Variants in PRKAR1B observed in about 807,000 individuals in gnomAD.
PRKAR1B encodes protein kinase cAMP-dependent type I regulatory subunit beta.
PRKAR1B carries 22 observed loss-of-function variants against 46.5 expected under a neutral mutation model. That is an observed-to-expected ratio of 0.47 (90% CI 0.34 to 0.68). PRKAR1B has a LOEUF of 0.68. PRKAR1B is among the 30% of genes least tolerant of loss of function. The pLI, the probability that PRKAR1B is intolerant of heterozygous loss-of-function variation, is 0.01. For synonymous variants in PRKAR1B, 259 were observed against 217.7 expected, an observed-to-expected ratio of 1.19 and a Z score of -1.67; for missense variants, 445 against 535.6, an observed-to-expected ratio of 0.83 and a Z score of 1.67.
chr7:633,871 T>C (rs1783896562), intron 4 of PRKAR1B, among the ~76,000 whole-genome samples: 1 of 152,096 alleles, frequency 6.6e-6, no homozygotes, highest in Admixed American at 6.5e-5. Flanking sequence ...CCCAAGACCT[T>C]GTAAACCACC....
chr7:725,609 C>T (rs1190195401), intron 1 of PRKAR1B, among the ~76,000 whole-genome samples: 3 of 152,228 alleles, frequency 2.0e-5, no homozygotes, highest in Non-Finnish European at 4.4e-5. Context: ...AACTTTGAAA[C>T]AAAGATGATA....
Position 652,152 on chromosome 7 carries a change from T to C in PRKAR1B, c.440+25077A>G, listed in dbSNP as rs181149080. ...AAGACAGTTCACACCCACACAGTGCTAGGAACCTGGGAAAACCCCTCTCGG... is the reference window on the plus strand; with the variant it reads ...AAGACAGTTCACACCCACACAGTGCCAGGAACCTGGGAAAACCCCTCTCGG... On this transcript the variant is annotated intron_variant, in intron 4 of 10. Coordinates refer to ENST00000537384, the MANE Select transcript of PRKAR1B (RefSeq NM_001164760.2). Among the ~76,000 whole-genome samples the C allele has an allele frequency of 1.9e-3, 262 of 139,406 alleles. 1 individual carries two copies. The highest frequency in any genetic ancestry group is 8.3e-3 in the Middle Eastern group (2 of 242). 91.5% of individuals were successfully genotyped at this position (139,406 alleles called of 152,430 possible).
At chr7:553,883 G>A (rs549977576) in intron 9 of PRKAR1B, among the ~76,000 whole-genome samples, 1 of 152,384 alleles carries the variant, frequency 6.6e-6, no homozygotes, top group South Asian at 2.1e-4. Context: ...CCTCTGCCGT[G>A]TTTATGAATC....
At chr7:728,451 A>T (rs1047650648), upstream of PRKAR1B, among the ~76,000 whole-genome samples, 4 of 152,212 alleles carry the variant, frequency 2.6e-5, no homozygotes, top group Non-Finnish European at 5.9e-5. Flanking sequence ...CGTGGAGAAT[A>T]GATTCCAGAA....
chr7:720,050 CTTT>C (rs34254216), intron 1 of PRKAR1B, among the ~76,000 whole-genome samples: 6 of 93,134 alleles, frequency 6.4e-5, no homozygotes, highest in East Asian at 3.4e-4. Flanking sequence ...CTGTGCAAGT[CTTT>C]TTTTTTTTTT....
At chr7:587,078 G>A (rs1162848022) in intron 7 of PRKAR1B, among the ~76,000 whole-genome samples, 2 of 152,114 alleles carry the variant, frequency 1.3e-5, no homozygotes, top group East Asian at 3.9e-4. Flanking sequence ...GTAGAAACGG[G>A]GTTTCACTGT....
intron 9 of PRKAR1B, among the ~76,000 whole-genome samples, chr7:559,314 G>A (rs1459198906): frequency 6.6e-6 from 1 of 152,186 alleles, no homozygotes; most frequent in Non-Finnish European, 1.5e-5. Context: ...GAGCCAGCCG[G>A]AGAAGACGTG....
At chr7:572,800 G>A (rs184783697) in intron 9 of PRKAR1B, among the ~76,000 whole-genome samples, 70 of 152,338 alleles carry the variant, frequency 4.6e-4, no homozygotes, top group Admixed American at 9.1e-4. Flanking sequence ...CAGGGATGAG[G>A]CCTCATGCAC....
chr7:708,467 C>T (rs1371995798), intron 2 of PRKAR1B, among the ~76,000 whole-genome samples: 1 of 152,294 alleles, frequency 6.6e-6, no homozygotes, highest in African/African-American at 2.4e-5. Context: ...AACCTACACA[C>T]ATCCTCCCAT....
intron 1 of PRKAR1B, chr7:726,763 C>T: frequency 8.0e-7 from 1 of 1,256,850 alleles, no homozygotes. Context: ...GGCCCCACAC[C>T]CGGCTGAGGG....
intron 4 of PRKAR1B, among the ~76,000 whole-genome samples, chr7:639,893 A>G (rs1053714712): frequency 3.3e-5 from 5 of 151,886 alleles, no homozygotes; most frequent in East Asian, 3.9e-4. Context: ...GGCCGGGTGC[A>G]GTGGCTCACA....
chr7:653,693 G>C (rs1000064263), intron 4 of PRKAR1B, among the ~76,000 whole-genome samples: 1 of 152,174 alleles, frequency 6.6e-6, no homozygotes, highest in African/African-American at 2.4e-5. Flanking sequence ...CTACATAGCT[G>C]GGGAGGGGTG....
In PRKAR1B at chr7:692,387, C is replaced by T. The variant is rs150727453; in HGVS notation, c.178-11661G>A. Among the ~76,000 whole-genome samples, 419 of 151,316 alleles carry T rather than the reference C, an allele frequency of 2.8e-3. 3 individuals carry two copies. Among genetic ancestry groups the T allele is most frequent in the African/African-American group, 9.7e-3 (399 of 41,096 alleles). ...GGCACTCCAGCCTGGGCAACAAGGG[C>T]GAAGCTCTGTCTCAAAAAAAGAAAC... On this transcript the variant is annotated intron_variant, in intron 2 of 10. Transcript: ENST00000537384.
intron 4 of PRKAR1B, among the ~76,000 whole-genome samples, chr7:630,865 G>A (rs1472741372): frequency 2.0e-5 from 3 of 152,064 alleles, no homozygotes; most frequent in Non-Finnish European, 4.4e-5. Flanking sequence ...CCACACGTGT[G>A]ACCTTCCAGC....
In PRKAR1B at chr7:592,464, C is replaced by G. The variant is rs192047453; in HGVS notation, c.708+3682G>C. On this transcript the variant is annotated intron_variant, in intron 7 of 10. Coordinates refer to ENST00000537384, the MANE Select transcript of PRKAR1B (RefSeq NM_001164760.2). ...GCCGAGTCACTCCGGACATCGGTCC[C>G]TTCCCGGCTCCACCGGCTGTGCCGA... 5.4e-4 allele frequency among the ~76,000 whole-genome samples: 80 copies of G among 148,516 alleles called. 2 individuals are homozygous for G. Among genetic ancestry groups the G allele is most frequent in the African/African-American group, 1.9e-3 (75 of 38,864 alleles).
intron 9 of PRKAR1B, among the ~76,000 whole-genome samples, chr7:561,094 G>A (rs1467666162): frequency 6.6e-6 from 1 of 151,480 alleles, no homozygotes; most frequent in Non-Finnish European, 1.5e-5. Context: ...ACACTGGTAC[G>A]TGCATACATG....
chr7:596,013 A>T lies in PRKAR1B; in HGVS notation c.708+133T>A, dbSNP rs942000523. On this transcript the variant is annotated intron_variant, in intron 7 of 10. Coordinates refer to ENST00000537384, the MANE Select transcript of PRKAR1B (RefSeq NM_001164760.2). ...CTCCACCCCTTTCCACTCCTCTCAC[A>T]GGCCAGATCTGTCAGGGAGGTTGGA... is the stretch of plus-strand genomic sequence containing the variant. 9.3e-5 allele frequency: 110 copies of T among 1,179,938 alleles called. No individual in the cohort carries two copies. The African/African-American group carries it at 1.5e-3, about 16-fold the overall frequency. The allele number at this position is 1,179,938 out of a possible 1,614,324, so 73.1% of individuals were successfully genotyped here.
chr7:627,542 T>C (rs1450389525), intron 4 of PRKAR1B, among the ~76,000 whole-genome samples: 3 of 152,166 alleles, frequency 2.0e-5, no homozygotes, highest in Non-Finnish European at 4.4e-5. Context: ...CACCCGGCAC[T>C]CTACACGGCT....
At chr7:626,008 CAAAA>C (rs71016892) in intron 4 of PRKAR1B, among the ~76,000 whole-genome samples, 9 of 110,544 alleles carry the variant, frequency 8.1e-5, no homozygotes, top group African/African-American at 1.0e-4. Context: ...AACTCCATCT[CAAAA>C]AAAAAAAAAA....
Sources: allele counts gnomAD v4.1 joint callset (sites outside exome capture counted in the v4.1 genomes callset), GRCh38; gene constraint gnomAD v4.1.1; transcripts MANE v1.5; gene names NCBI Gene and HGNC (gene_info 2026-07-23, HGNC 2026-07-21).